The following CSMD1 variants were observed in gnomAD, a reference collection of about 807,000 sequenced individuals.
CSMD1 encodes the protein CUB and Sushi multiple domains 1.
A neutral mutation model predicts 417.5 loss-of-function variants in CSMD1; 213 were observed. The ratio of observed to expected loss-of-function variants is 0.51; its 90% CI spans 0.46 to 0.57. CSMD1 has a LOEUF of 0.57. Ranked by LOEUF, CSMD1 falls within the 20% of genes least tolerant of loss-of-function variation. The pLI is 0.00. For missense variants in CSMD1, 6,923 were observed against 4,529.7 expected, an observed-to-expected ratio of 1.53 and a Z score of -15.17; for synonymous variants, 2,862 against 1,736.8, an observed-to-expected ratio of 1.65 and a Z score of -16.11.
intron 10 of CSMD1, among the ~76,000 whole-genome samples, chr8:3,568,808 T>C (rs1031140108): frequency 3.9e-5 from 6 of 152,068 alleles, no homozygotes; most frequent in African/African-American, 1.4e-4. Context: ...CCATGATATA[T>C]TTAATCTTTC....
chr8:4,582,470 C>T (rs1799468541), intron 2 of CSMD1, among the ~76,000 whole-genome samples: 1 of 152,222 alleles, frequency 6.6e-6, no homozygotes, highest in African/African-American at 2.4e-5. Flanking sequence ...CAATACAGAT[C>T]CACTCTTTCC....
intron 5 of CSMD1, among the ~76,000 whole-genome samples, chr8:3,840,124 T>C (rs1249795383): frequency 6.6e-6 from 1 of 152,182 alleles, no homozygotes; most frequent in Non-Finnish European, 1.5e-5. Context: ...AGACCTATTA[T>C]GAACAGCTTG....
At chr8:3,301,869 T>C (rs1804436217) in intron 25 of CSMD1, among the ~76,000 whole-genome samples, 2 of 152,142 alleles carry the variant, frequency 1.3e-5, no homozygotes. Context: ...GAATTCATAA[T>C]GGTGGATAAG....
chr8:4,353,543 C>G (rs1002627691), intron 3 of CSMD1, among the ~76,000 whole-genome samples: 1 of 151,748 alleles, frequency 6.6e-6, no homozygotes, highest in African/African-American at 2.4e-5. Flanking sequence ...CAGACCTTTC[C>G]TAGGAAATAT....
chr8:4,271,347 A>T (rs1381226263), intron 3 of CSMD1, among the ~76,000 whole-genome samples: 1 of 152,204 alleles, frequency 6.6e-6, no homozygotes, highest in East Asian at 1.9e-4. Context: ...AAACACTGGC[A>T]GTGCTTGGAA....
chr8:3,176,095 C>G (rs1195426302), intron 37 of CSMD1, among the ~76,000 whole-genome samples: 1 of 152,028 alleles, frequency 6.6e-6, no homozygotes, highest in East Asian at 1.9e-4. Flanking sequence ...TTAGAAATAA[C>G]TTGGAAAGAC....
At chr8:3,305,794 C>A (rs570873661) in intron 25 of CSMD1, among the ~76,000 whole-genome samples, 1 of 152,174 alleles carries the variant, frequency 6.6e-6, no homozygotes, top group African/African-American at 2.4e-5. Context: ...ATTCTCCTGC[C>A]TCAGCCTCCC....
chr8:4,334,013 C>A (rs528420618), intron 3 of CSMD1, among the ~76,000 whole-genome samples: 5 of 152,158 alleles, frequency 3.3e-5, no homozygotes, highest in African/African-American at 1.2e-4. Flanking sequence ...GCCTCAGACT[C>A]CTGAGTACCT....
chr8:4,502,849 C>T (rs571760714), intron 2 of CSMD1, among the ~76,000 whole-genome samples: 1 of 152,046 alleles, frequency 6.6e-6, no homozygotes, highest in Admixed American at 6.6e-5. Context: ...ATAGTAGGTA[C>T]TCAGTTTTTC....
intron 12 of CSMD1, among the ~76,000 whole-genome samples, chr8:3,434,913 G>C (rs906555968): frequency 4.6e-5 from 7 of 152,218 alleles, no homozygotes; most frequent in African/African-American, 1.4e-4. Flanking sequence ...ATTGGTTTAA[G>C]TCAACTATCA....
At chr8:3,912,610 C>G (rs1362546730) in intron 5 of CSMD1, among the ~76,000 whole-genome samples, 1 of 152,116 alleles carries the variant, frequency 6.6e-6, no homozygotes, top group Non-Finnish European at 1.5e-5. Flanking sequence ...AGAGAAGGAG[C>G]TAAGGTGAAT....
chr8:3,749,278 G>A (rs572561693), intron 6 of CSMD1, among the ~76,000 whole-genome samples: 2 of 152,240 alleles, frequency 1.3e-5, no homozygotes, highest in Admixed American at 1.3e-4. Flanking sequence ...TTCAACCACA[G>A]CCCAATATAT....
rs1243366321 is a variant in CSMD1, at chr8:3,616,710, C to A, written c.1097G>T (p.Arg366Met). ...TTTCCACCACTATTGTATCTCTTAC[C>A]TGAAGTCGGAACCTGCTCTTCTACC... is the stretch of plus-strand genomic sequence containing the variant. ...ENGRRAGSDF[R>M]VGANVQFSCE... The change falls in exon 8 of 70, where the codon AGG becomes ATG. Residue 366 changes from arginine to methionine, a missense_variant and splice_region_variant. Arg to Met is a moderately conservative substitution (Grantham distance 91). Transcript: ENST00000635120. 2 of 1,601,280 alleles carry A rather than the reference C, an allele frequency of 1.2e-6. No homozygotes were observed. Among genetic ancestry groups the A allele is most frequent in the African/African-American group, 2.7e-5 (2 of 74,652 alleles).
chr8:4,726,968 T>C (rs933388430), intron 1 of CSMD1, among the ~76,000 whole-genome samples: 2 of 152,064 alleles, frequency 1.3e-5, no homozygotes, highest in African/African-American at 4.8e-5. Context: ...AATACATGGA[T>C]GAGATGATTA....
chr8:4,809,861 G>A lies in CSMD1; in HGVS notation c.86-172303C>T, dbSNP rs542140024. Among the ~76,000 whole-genome samples, 32 of 152,200 alleles carry A rather than the reference G, an allele frequency of 2.1e-4. No homozygotes were observed. In the South Asian group the frequency reaches 6.6e-3, roughly 32 times the overall value. On this transcript the variant is annotated intron_variant, in intron 1 of 69. Coordinates refer to ENST00000635120, the MANE Select transcript of CSMD1 (RefSeq NM_033225.6). ...ATGTCTACAACTCAACAGCCACATG[G>A]GGCAAGCGGTTGCCATATTAAACAG... is the stretch of plus-strand genomic sequence containing the variant.
chr8:3,776,618 A>C (rs933722508), intron 5 of CSMD1, among the ~76,000 whole-genome samples: 1 of 151,706 alleles, frequency 6.6e-6, no homozygotes, highest in South Asian at 2.1e-4. Flanking sequence ...GACATTGTAG[A>C]CTCCATATCC....
At chr8:4,285,984 C>T (rs1031750913) in intron 3 of CSMD1, among the ~76,000 whole-genome samples, 2 of 152,274 alleles carry the variant, frequency 1.3e-5, no homozygotes, top group South Asian at 4.1e-4. Context: ...AGTGAGTCAC[C>T]TTTACCTCTG....
rs147199724 is a variant in CSMD1, at chr8:3,136,318, A to G, written c.6241+6147T>C. 1.3e-3 allele frequency among the ~76,000 whole-genome samples: 186 copies of G among 142,816 alleles called. 2 individuals are homozygous for G. The highest frequency in any genetic ancestry group is 4.7e-3 in the African/African-American group (176 of 37,788). The allele number at this position is 142,816 out of a possible 152,430, so 93.7% of individuals were successfully genotyped here. ...GTCACCCAGACTGGAGTGCAATGGC[A>G]TGATCTCGGCTCACTACAAACCCCG... On this transcript the variant is annotated intron_variant, in intron 41 of 69. Transcript: ENST00000635120.
intron 1 of CSMD1, among the ~76,000 whole-genome samples, chr8:4,734,492 A>AT (rs1230017655): frequency 6.6e-6 from 1 of 152,154 alleles, no homozygotes; most frequent in Non-Finnish European, 1.5e-5. Context: ...AAGCTCTAAG[A>AT]TTTTTTTATT....
Sources: allele counts gnomAD v4.1 joint callset (sites outside exome capture counted in the v4.1 genomes callset), GRCh38; gene constraint gnomAD v4.1.1; transcripts MANE v1.5; gene names NCBI Gene and HGNC (gene_info 2026-07-23, HGNC 2026-07-21).